The following CYP7B1 variants were observed in gnomAD, a reference collection of about 807,000 sequenced individuals.
CYP7B1 encodes the protein cytochrome P450 7B1.
In CYP7B1, 29 loss-of-function variants were observed where a neutral mutation model predicts 42.7. The ratio of observed to expected loss-of-function variants is 0.68; its 90% CI spans 0.51 to 0.93. The LOEUF is 0.93. Among genes scored for constraint, CYP7B1 ranks in the 40% least tolerant of loss-of-function variants. The probability of loss-of-function intolerance (pLI) is 0.00; values close to 1 mark genes in which losing one functional copy is unlikely to be tolerated. For missense variants in CYP7B1, 655 were observed against 600.5 expected (o/e 1.09, Z -0.95); for synonymous variants, 235 against 218.2 (o/e 1.08, Z -0.68).
chr8:64,769,615 C>T (rs927310628), intron 1 of CYP7B1, among the ~76,000 whole-genome samples: 4 of 152,146 alleles, frequency 2.6e-5, no homozygotes, highest in African/African-American at 9.7e-5. Flanking sequence ...TAAATATTAA[C>T]GCTTGAATGT....
chr8:64,605,165 G>T (rs566991972), intron 4 of CYP7B1, among the ~76,000 whole-genome samples: 2 of 152,136 alleles, frequency 1.3e-5, no homozygotes, highest in African/African-American at 2.4e-5. Context: ...TGTGTTATGG[G>T]TATATATGCT....
At chr8:64,684,846 A>C (rs1340754996) in intron 1 of CYP7B1, among the ~76,000 whole-genome samples, 1 of 152,234 alleles carries the variant, frequency 6.6e-6, no homozygotes, top group Non-Finnish European at 1.5e-5. Flanking sequence ...ACATCATTAG[A>C]CATTTGGGAA....
chr8:64,618,485 T>C (rs921604379), intron 2 of CYP7B1, among the ~76,000 whole-genome samples: 1 of 152,162 alleles, frequency 6.6e-6, no homozygotes, highest in African/African-American at 2.4e-5. Context: ...ATGAGCTACC[T>C]GTTATTGGGC....
intron 1 of CYP7B1, among the ~76,000 whole-genome samples, chr8:64,631,478 T>C (rs1250332026): frequency 6.6e-6 from 1 of 152,138 alleles, no homozygotes; most frequent in African/African-American, 2.4e-5. Flanking sequence ...GAAGAAAATA[T>C]GAGGAAAGAG....
intron 1 of CYP7B1, chr8:64,734,310 G>A (rs1585884360): frequency 6.6e-6 from 1 of 152,302 alleles, no homozygotes; most frequent in Admixed American, 6.5e-5. Context: ...CTGAGACTGG[G>A]TAATTTATAA....
intron 1 of CYP7B1, among the ~76,000 whole-genome samples, chr8:64,650,757 TA>T (rs1490112434): frequency 1.3e-5 from 2 of 152,258 alleles, no homozygotes; most frequent in African/African-American, 4.8e-5. Flanking sequence ...CCTTGACATT[TA>T]TTTTTTTAAC....
chr8:64,713,625 A>C (rs1392224170), intron 1 of CYP7B1, among the ~76,000 whole-genome samples: 1 of 152,182 alleles, frequency 6.6e-6, no homozygotes, highest in Non-Finnish European at 1.5e-5. Flanking sequence ...GTAGAAGAAG[A>C]GATCAGTCAA....
At chr8:64,631,147 T>C (rs938199283) in intron 1 of CYP7B1, among the ~76,000 whole-genome samples, 3 of 152,060 alleles carry the variant, frequency 2.0e-5, no homozygotes, top group African/African-American at 7.2e-5. Flanking sequence ...GAAAGGAAAA[T>C]TGCAGACCAA....
intron 1 of CYP7B1, among the ~76,000 whole-genome samples, chr8:64,714,732 C>T (rs1310804916): frequency 6.6e-6 from 1 of 152,162 alleles, no homozygotes; most frequent in African/African-American, 2.4e-5. Context: ...AAACTGATGT[C>T]CCCATCATCT....
chr8:64,624,427 C>CTTCAACTGTGAAAGTTCAAAAGCA lies in CYP7B1; in HGVS notation c.234_235insTGCTTTTGAACTTTCACAGTTGAA (p.Gly78_Asp79insCysPheTer). 1 of 1,613,458 alleles carries CTTCAACTGTGAAAGTTCAAAAGCA rather than the reference C, an allele frequency of 6.2e-7. No homozygotes were observed. Among genetic ancestry groups the CTTCAACTGTGAAAGTTCAAAAGCA allele is most frequent in the Non-Finnish European group, 8.5e-7 (1 of 1,179,790 alleles). On this transcript the variant is annotated stop_gained and inframe_insertion, in exon 2 of 6. Coordinates refer to ENST00000310193, the MANE Select transcript of CYP7B1 (RefSeq NM_004820.5). LOFTEE classifies it high-confidence loss of function. Reference sequence around the variant, plus strand: ...CCACCAAGAAGAACTGTGAAAGTGTCACCATGTTGCTTTTGAAGTGTTTTC... The same window carrying CTTCAACTGTGAAAGTTCAAAAGCA: ...CCACCAAGAAGAACTGTGAAAGTGTCTTCAACTGTGAAAGTTCAAAAGCAACCATGTTGCTTTTGAAGTGTTTTC...
At chr8:64,639,104 T>C (rs1169950351) in intron 1 of CYP7B1, among the ~76,000 whole-genome samples, 1 of 152,008 alleles carries the variant, frequency 6.6e-6, no homozygotes, top group Non-Finnish European at 1.5e-5. Flanking sequence ...GTGTTTTTTT[T>C]CCTTCTCTAT....
At chr8:64,648,149 T>G (rs1289414904) in intron 1 of CYP7B1, among the ~76,000 whole-genome samples, 2 of 152,202 alleles carry the variant, frequency 1.3e-5, no homozygotes, top group African/African-American at 4.8e-5. Flanking sequence ...AAGGTATATA[T>G]AAAAAGTTAG....
intron 4 of CYP7B1, among the ~76,000 whole-genome samples, chr8:64,609,647 C>G (rs1805335297): frequency 6.6e-6 from 1 of 151,862 alleles, no homozygotes; most frequent in Non-Finnish European, 1.5e-5. Flanking sequence ...TGGAAAAGTA[C>G]AGAATTATTA....
At chr8:64,797,001 G>T (rs953454844) in intron 1 of CYP7B1, among the ~76,000 whole-genome samples, 7 of 152,184 alleles carry the variant, frequency 4.6e-5, no homozygotes, top group Non-Finnish European at 1.0e-4. Flanking sequence ...ACACTGAAAT[G>T]CAGTATAATC....
intron 1 of CYP7B1, among the ~76,000 whole-genome samples, chr8:64,634,570 C>T (rs1212086517): frequency 6.8e-6 from 1 of 147,326 alleles, no homozygotes; most frequent in Non-Finnish European, 1.5e-5. Context: ...TGGAGCAAGA[C>T]TCCATCTCAA....
chr8:64,672,927 C>T (rs1343953066), intron 1 of CYP7B1, among the ~76,000 whole-genome samples: 2 of 152,102 alleles, frequency 1.3e-5, no homozygotes, highest in Non-Finnish European at 1.5e-5. Flanking sequence ...TAAGAAAGAA[C>T]TGATGTTTAA....
chr8:64,669,487 T>C (rs1420127629), intron 1 of CYP7B1, among the ~76,000 whole-genome samples: 2 of 152,112 alleles, frequency 1.3e-5, no homozygotes, highest in Non-Finnish European at 2.9e-5. Context: ...CTTTTCACTT[T>C]TTACTCTTTA....
intron 1 of CYP7B1, among the ~76,000 whole-genome samples, chr8:64,733,920 T>C (rs897089077): frequency 6.6e-6 from 1 of 152,048 alleles, no homozygotes; most frequent in African/African-American, 2.4e-5. Flanking sequence ...CAGTGAGCTA[T>C]GATTGTGCCC....
At chr8:64,778,227 G>GTGTGTATATGT (rs1804359974) in intron 1 of CYP7B1, among the ~76,000 whole-genome samples, 1 of 143,798 alleles carries the variant, frequency 7.0e-6, no homozygotes, top group African/African-American at 2.6e-5. Flanking sequence ...TTATACATGT[G>GTGTGTATATGT]TGTGTATATG....
Sources: gnomAD v4.1 joint callset for allele counts (sites outside exome capture counted in the v4.1 genomes callset) on GRCh38, gnomAD v4.1.1 for gene constraint, MANE v1.5 for transcripts, NCBI Gene and HGNC (gene_info 2026-07-23, HGNC 2026-07-21) for gene names.